MYRF: variants seen among roughly 807,000 people sequenced by gnomAD.
MYRF encodes myelin gene regulatory factor.
Under a neutral mutation model 126.3 loss-of-function variants are expected in MYRF, and 16 were observed. The observed-to-expected ratio is 0.13, with a 90% CI of 0.09 to 0.19. The LOEUF (loss-of-function observed/expected upper bound fraction) is 0.19. MYRF is among the 10% of genes least tolerant of loss of function. The pLI, the probability that MYRF is intolerant of heterozygous loss-of-function variation, is 1.00. For synonymous variants in MYRF, 608 were observed against 635.3 expected, an observed-to-expected ratio of 0.96 and a Z score of 0.65; for missense variants, 1,104 against 1,547.0, an observed-to-expected ratio of 0.71 and a Z score of 4.80.
chr11:61,776,614 A>G lies in MYRF; in HGVS notation c.1500-173A>G, dbSNP rs1214193664. Among the ~76,000 whole-genome samples, 1 of 152,018 alleles carries G rather than the reference A, an allele frequency of 6.6e-6. No individual in the cohort carries two copies. Among genetic ancestry groups the G allele is most frequent in the African/African-American group, 2.4e-5 (1 of 41,372 alleles). On this transcript the variant is annotated intron_variant, in intron 10 of 26. Transcript: ENST00000278836. This position sits in a 1 kb window ranked among gnomAD's most constrained non-coding sequence, Gnocchi z 4.3. ...GAGCAGAAGCCTGGCTTCTGGGTTG[A>G]GAAACAGCCCTGGCTTCTTGCTGTG...
rs896771746 is a variant in MYRF at position 61,787,622 on chromosome 11, A to T, written c.*1479A>T. ...TGATCTCAAAGCACTTGTCCTCAGG[A>T]TAGGGAAGAGCAGGGGGATGCAGGA... On this transcript the variant is annotated 3_prime_UTR_variant, in exon 27 of 27. Transcript: ENST00000278836. 6.6e-6 allele frequency: 1 copy of T among 152,660 alleles called. No individual in the cohort carries two copies. Among genetic ancestry groups the T allele is most frequent in the African/African-American group, 2.4e-5 (1 of 41,410 alleles). 9.5% of individuals were successfully genotyped at this position (152,660 alleles called of 1,614,324 possible).
chr11:61,766,552 C>G (rs1458766766), intron 3 of MYRF: 1 of 342,650 alleles, frequency 2.9e-6, no homozygotes, highest in Non-Finnish European at 5.3e-6. Flanking sequence ...ATGGGAACAC[C>G]TGCATACCCG....
In MYRF at chr11:61,757,035, T is replaced by C. The variant is rs2238001; in HGVS notation, c.46+4245T>C. The C allele has an allele frequency of 0.15, 58,183 of 387,248 alleles. 5,770 individuals carry two copies. The highest frequency in any genetic ancestry group is 0.33 in the African/African-American group (15,802 of 47,492). 24.0% of individuals were successfully genotyped at this position (387,248 alleles called of 1,614,324 possible). On this transcript the variant is annotated intron_variant, in intron 1 of 26. Transcript: ENST00000278836. The surrounding 1 kb of genome is among the most constrained non-coding windows in gnomAD (Gnocchi z 4.7). ...GGAACTGGGAGCAGAAATTATTAAC[T>C]GAATCATTAACTGGGTGGCCCCGCC... is the stretch of plus-strand genomic sequence containing the variant.
chr11:61,776,234 T>C lies in MYRF; in HGVS notation c.1389-88T>C, dbSNP rs1416512831. ...GGAGGTACCCAGGGTGTCCGCCTCA[T>C]GTACGTTGCTGGCCTGGGTGCCCCT... On this transcript the variant is annotated intron_variant, in intron 9 of 26. Transcript: ENST00000278836. The surrounding 1 kb of genome is among the most constrained non-coding windows in gnomAD (Gnocchi z 4.3). The C allele has an allele frequency of 6.4e-7, 1 of 1,562,628 alleles. No individual in the cohort carries two copies. The highest frequency in any genetic ancestry group is 1.7e-5 in the Admixed American group (1 of 58,166).
intron 3 of MYRF, chr11:61,766,482 G>A (rs541983439): frequency 7.4e-4 from 347 of 468,506 alleles, no homozygotes; most frequent in African/African-American, 6.1e-3. Flanking sequence ...GAAAAATCTC[G>A]ATGCTGTGTG....
chr11:61,780,735 G>A lies in MYRF; in HGVS notation c.2429G>A (p.Cys810Tyr). The change falls in exon 19 of 27, where the codon TGT becomes TAT. Residue 810 changes from cysteine (C) to tyrosine (Y), a missense_variant. Coordinates refer to ENST00000278836, the MANE Select transcript of MYRF (RefSeq NM_001127392.3). ...TDGSFAVSTS[C>Y]LLALLRPQPP... The stretch of plus-strand genomic sequence containing the variant: ...AGCTCTTTTGCCGTGTCCACTTCCT[G>A]TCTCCTGGCCCTGCTCCGGCCCCAG... 2 of 1,549,420 alleles carry A rather than the reference G, an allele frequency of 1.3e-6. No homozygotes were observed. Among genetic ancestry groups the A allele is most frequent in the East Asian group, 4.9e-5 (2 of 41,058 alleles).
intron 1 of MYRF, among the ~76,000 whole-genome samples, chr11:61,764,373 C>A (rs1591088844): frequency 6.6e-6 from 1 of 152,224 alleles, no homozygotes; most frequent in South Asian, 2.1e-4. Flanking sequence ...CATCTCGTTT[C>A]ATACTCAAAA....
chr11:61,765,501 TG>T, intron 1 of MYRF, 123 bp from the exon 2 acceptor site: 1 of 683,048 alleles, frequency 1.5e-6, no homozygotes, highest in South Asian at 2.0e-5. Flanking sequence ...GATACCTGGG[TG>T]GGAAGGAGCA....
rs1275264143 is a variant in MYRF at position 61,771,514 on chromosome 11, C to T, written c.755C>T (p.Pro252Leu). Residue 252 changes from proline (P) to leucine (L), a missense_variant, in exon 6 of 27, where the codon CCC becomes CTC. By Grantham distance (98) the Pro-to-Leu change is moderately conservative (BLOSUM62 -3). Around this residue, in one of 10 missense-constraint regions of MYRF, gnomAD observed 368 missense variants for 403.9 expected, o/e 0.91. Coordinates refer to ENST00000278836, the MANE Select transcript of MYRF (RefSeq NM_001127392.3). ...TGTTTCCCCAGGCTCCCTACACACC[C>T]CTCCAAGAAGAGGAAGCACTCTGAA... ...QQHGAELPTH[P>L]SKKRKHSESP... is the part of the protein sequence containing the mutation. 6.2e-7 allele frequency: 1 copy of T among 1,613,524 alleles called. No individual in the cohort carries two copies.
At chr11:61,767,692 C>T (rs535341253) in intron 3 of MYRF, among the ~76,000 whole-genome samples, 31 of 151,614 alleles carry the variant, frequency 2.0e-4, no homozygotes, top group African/African-American at 6.5e-4. Flanking sequence ...GGTGTGGTGG[C>T]GTGTGCCTAT....
chr11:61,765,158 G>A (rs1326634276), intron 1 of MYRF, among the ~76,000 whole-genome samples: 1 of 152,192 alleles, frequency 6.6e-6, no homozygotes, highest in Non-Finnish European at 1.5e-5. Context: ...GGAGGACACG[G>A]CAGGACAGTG....
intron 1 of MYRF, among the ~76,000 whole-genome samples, chr11:61,760,679 G>A (rs549402257): frequency 7.2e-5 from 11 of 152,130 alleles, no homozygotes; most frequent in East Asian, 1.9e-4. Context: ...GAAACAGGGC[G>A]GTTCACCCTG....
Position 61,781,755 on chromosome 11 carries a change from C to T in MYRF, c.2947C>T (p.Arg983Trp), listed in dbSNP as rs768365315. 1.5e-5 allele frequency: 24 copies of T among 1,610,922 alleles called. No homozygotes were observed. Among genetic ancestry groups the T allele is most frequent in the Middle Eastern group, 1.6e-4 (1 of 6,068 alleles). ...CAGTCCCAGCCTTGGTTTCCATGGC[C>T]GGGCCCGCCGAGGGGCCCTCCAGTC... ...KNSPSLGFHGRARRGALQSSV... is the reference protein window; with the variant it reads ...KNSPSLGFHGWARRGALQSSV... The change falls in exon 22 of 27, where the codon CGG (arginine) becomes TGG (tryptophan). Residue 983 changes from arginine (R) to tryptophan (W), a missense_variant. Arg to Trp is a moderately radical substitution (Grantham distance 101). Transcript: ENST00000278836.
chr11:61,765,975 C>G lies in MYRF; in HGVS notation c.152C>G (p.Ser51Cys). 2 of 1,535,942 alleles carry G rather than the reference C, an allele frequency of 1.3e-6. No homozygotes were observed. Among genetic ancestry groups the G allele is most frequent in the South Asian group, 1.2e-5 (1 of 81,438 alleles). The change falls in exon 3 of 27, where the codon TCT (serine) becomes TGT (cysteine). Residue 51 changes from serine (S) to cysteine (C), a missense_variant. Around this residue, in one of 10 missense-constraint regions of MYRF, gnomAD observed 368 missense variants for 403.9 expected, o/e 0.91. Transcript: ENST00000278836. ...CCCCGCAGCTGCTTCCCTGACATCTCTGCTCCAGCCAGCTCGGCCTCCTAC... is the reference window on the plus strand; with the variant it reads ...CCCCGCAGCTGCTTCCCTGACATCTGTGCTCCAGCCAGCTCGGCCTCCTAC... ...DASDLCFPDISAPASSASYSH... is the reference protein window; with the variant it reads ...DASDLCFPDICAPASSASYSH...
Position 61,777,143 on chromosome 11 carries a change from T to G in MYRF, c.1591-121T>G. 9.4e-7 allele frequency: 1 copy of G among 1,069,222 alleles called. No homozygotes were observed. The highest frequency in any genetic ancestry group is 1.3e-6 in the Non-Finnish European group (1 of 743,876). 66.2% of individuals were successfully genotyped at this position (1,069,222 alleles called of 1,614,324 possible). A position where few individuals can be genotyped will look rare whatever the true frequency, so the allele number is the denominator to read the frequency against. The stretch of plus-strand genomic sequence containing the variant: ...TGGGAGGGACAGTTCAAGTTGGGCT[T>G]GGTGCAGTGAGAAACCCTGGCTGGA... On this transcript the variant is annotated intron_variant, in intron 11 of 26. Coordinates refer to ENST00000278836, the MANE Select transcript of MYRF (RefSeq NM_001127392.3). The surrounding 1 kb of genome is among the most constrained non-coding windows in gnomAD (Gnocchi z 8.8).
chr11:61,775,608 T>C (rs1179142809), intron 8 of MYRF, among the ~76,000 whole-genome samples: 1 of 151,952 alleles, frequency 6.6e-6, no homozygotes, highest in Non-Finnish European at 1.5e-5. Flanking sequence ...GACGTGGGTA[T>C]GGAGAGGATC....
chr11:61,774,394 C>T (rs1020243159), intron 8 of MYRF, among the ~76,000 whole-genome samples: 4 of 152,008 alleles, frequency 2.6e-5, no homozygotes, highest in Admixed American at 1.3e-4. Context: ...TAGTACGGGC[C>T]TGTAATCTCA....
intron 1 of MYRF, among the ~76,000 whole-genome samples, chr11:61,756,181 G>A (rs2065747643): frequency 1.3e-5 from 2 of 152,170 alleles, no homozygotes; most frequent in Non-Finnish European, 2.9e-5. Context: ...ACCCTTCCCG[G>A]CTGTGGGATG....
intron 3 of MYRF, chr11:61,766,952 G>A (rs1565287008): frequency 2.2e-6 from 1 of 453,266 alleles, no homozygotes. Flanking sequence ...CAGACAGCCT[G>A]GCTCCAACTT....
Sources: allele counts gnomAD v4.1 joint callset (sites outside exome capture counted in the v4.1 genomes callset), GRCh38; gene constraint gnomAD v4.1.1; regional missense constraint gnomAD v4.1.1; non-coding constraint Gnocchi (gnomAD v3.1); transcripts MANE v1.5; gene names NCBI Gene and HGNC (gene_info 2026-07-23, HGNC 2026-07-21).